Variants in SLC7A11 observed in about 807,000 individuals in gnomAD.
SLC7A11 encodes cystine/glutamate transporter.
Under a neutral mutation model 54.5 loss-of-function variants are expected in SLC7A11, and 35 were observed. That is an observed-to-expected ratio of 0.64 (90% CI 0.49 to 0.85). SLC7A11 has a LOEUF of 0.85. SLC7A11 is among the 40% of genes least tolerant of loss of function. The pLI is 0.00. For synonymous variants in SLC7A11, 230 were observed against 225.2 expected (o/e 1.02, Z -0.19); for missense variants, 583 against 618.1 (o/e 0.94, Z 0.60).
chr4:138,201,785 GC>G (rs1737292471), intron 6 of SLC7A11, among the ~76,000 whole-genome samples: 1 of 152,090 alleles, frequency 6.6e-6, no homozygotes, highest in South Asian at 2.1e-4. Context: ...TCTACTATGA[GC>G]AAAGCATTGT....
chr4:138,241,534 CCA>C (rs1034700697), intron 1 of SLC7A11, among the ~76,000 whole-genome samples: 1 of 152,032 alleles, frequency 6.6e-6, no homozygotes, highest in Admixed American at 6.6e-5. Flanking sequence ...GCTCTCATCA[CCA>C]CAGAGAAAAG....
At chr4:138,236,516 TA>T in intron 1 of SLC7A11, 65 bp from the exon 2 acceptor site, 1 of 1,453,458 alleles carries the variant, frequency 6.9e-7, no homozygotes, top group Non-Finnish European at 9.4e-7. Context: ...AGCATTAGAA[TA>T]GATACAATAA....
At chr4:138,200,397 C>G (rs781208015) in intron 6 of SLC7A11, among the ~76,000 whole-genome samples, 4 of 152,080 alleles carry the variant, frequency 2.6e-5, no homozygotes, top group Non-Finnish European at 5.9e-5. Context: ...AGCCTAGCAC[C>G]CTCTTTCATT....
At chr4:138,185,301 C>A in intron 6 of SLC7A11, 57 bp from the exon 7 acceptor site, 1 of 1,577,928 alleles carries the variant, frequency 6.3e-7, no homozygotes, top group South Asian at 1.1e-5. Flanking sequence ...TTCTCTGATA[C>A]CGAAGAAAAT....
chr4:138,176,458 A>G (rs1736573414), intron 11 of SLC7A11: 1 of 152,312 alleles, frequency 6.6e-6, no homozygotes, highest in South Asian at 2.1e-4. Flanking sequence ...AAAAATAGCA[A>G]CAAACTTTAA....
chr4:138,190,886 A>G (rs1002979361), intron 6 of SLC7A11, among the ~76,000 whole-genome samples: 5 of 152,142 alleles, frequency 3.3e-5, no homozygotes, highest in African/African-American at 1.2e-4. Context: ...ATTGGACTAC[A>G]GATGACTGAG....
intron 3 of SLC7A11, among the ~76,000 whole-genome samples, chr4:138,226,397 C>A (rs1190248481): frequency 6.6e-6 from 1 of 152,042 alleles, no homozygotes; most frequent in East Asian, 1.9e-4. Flanking sequence ...GTCAATTACA[C>A]CTCAATGAAA....
intron 2 of SLC7A11, among the ~76,000 whole-genome samples, 168 bp downstream of exon 2, chr4:138,236,157 A>T (rs961821861): frequency 3.3e-4 from 51 of 152,272 alleles, no homozygotes; most frequent in African/African-American, 1.2e-3. Context: ...TGCATTAAAA[A>T]TATCTTAATT....
At chr4:138,194,131 T>C (rs1435121271) in intron 6 of SLC7A11, among the ~76,000 whole-genome samples, 2 of 151,978 alleles carry the variant, frequency 1.3e-5, no homozygotes, top group East Asian at 3.9e-4. Context: ...AAAACAGAGT[T>C]GATGGGCTAA....
intron 6 of SLC7A11, among the ~76,000 whole-genome samples, chr4:138,205,453 A>G (rs1737384058): frequency 6.6e-6 from 1 of 152,080 alleles, no homozygotes; most frequent in Non-Finnish European, 1.5e-5. Context: ...AAAGTTATCA[A>G]AATGATTTCA....
rs1736279155 is a variant in SLC7A11, at chr4:138,167,061, A to T, written c.*4895T>A. 6.6e-6 allele frequency: 1 copy of T among 151,946 alleles called. No individual in the cohort carries two copies. The highest frequency in any genetic ancestry group is 1.5e-5 in the Non-Finnish European group (1 of 67,996). The allele number at this position is 151,946 out of a possible 1,614,324, so 9.4% of individuals were successfully genotyped here. ...AAATAATTATCTCCCAAAATTGACT[A>T]TTAAAAAATAATTTTTAAGTACAGT... On this transcript the variant is annotated 3_prime_UTR_variant, in exon 12 of 12. Transcript: ENST00000280612.
At chr4:138,223,376 A>T in intron 3 of SLC7A11, 52 bp from the exon 4 acceptor site, 1 of 1,598,052 alleles carries the variant, frequency 6.3e-7, no homozygotes, top group Non-Finnish European at 8.6e-7. Context: ...TGGCACAAAG[A>T]CATTTTAGGT....
chr4:138,190,865 A>T lies in SLC7A11; in HGVS notation c.792-5621T>A, dbSNP rs146212796. ...TTCAAGAAAACAAATAGTTTTCCAG[A>T]CATGAAAAAAATTGGACTACAGATG... On this transcript the variant is annotated intron_variant, in intron 6 of 11. Transcript: ENST00000280612. Among the ~76,000 whole-genome samples the T allele has an allele frequency of 4.9e-3, 745 of 152,240 alleles. 3 individuals are homozygous for T. The highest frequency in any genetic ancestry group is 8.4e-3 in the Non-Finnish European group (568 of 68,006).
intron 6 of SLC7A11, among the ~76,000 whole-genome samples, chr4:138,213,250 C>T (rs904521332): frequency 6.6e-6 from 1 of 151,970 alleles, no homozygotes; most frequent in Non-Finnish European, 1.5e-5. Flanking sequence ...AATAAAATGG[C>T]CTTTCACATG....
At chr4:138,211,291 T>G (rs1011784833) in intron 6 of SLC7A11, among the ~76,000 whole-genome samples, 22 of 151,866 alleles carry the variant, frequency 1.4e-4, no homozygotes, top group Non-Finnish European at 2.9e-4. Flanking sequence ...TACTGGGTAC[T>G]ATGCCCCATA....
intron 9 of SLC7A11, among the ~76,000 whole-genome samples, chr4:138,181,700 C>G (rs1321964505): frequency 6.6e-6 from 1 of 152,064 alleles, no homozygotes; most frequent in African/African-American, 2.4e-5. Context: ...TATTTGAGGA[C>G]TTTTACACCT....
At chr4:138,175,900 A>T (rs1311822105) in intron 11 of SLC7A11, 1 of 152,188 alleles carries the variant, frequency 6.6e-6, no homozygotes, top group African/African-American at 2.4e-5. Flanking sequence ...ATGCATTATC[A>T]GGGTAAAAAT....
chr4:138,202,658 C>T (rs2148428931), intron 6 of SLC7A11, among the ~76,000 whole-genome samples: 1 of 152,176 alleles, frequency 6.6e-6, no homozygotes, highest in Middle Eastern at 3.4e-3. Flanking sequence ...GTGTCATCGA[C>T]AAGAATCATA....
intron 6 of SLC7A11, among the ~76,000 whole-genome samples, chr4:138,209,060 T>C (rs1737479287): frequency 6.6e-6 from 1 of 152,166 alleles, no homozygotes; most frequent in East Asian, 1.9e-4. Flanking sequence ...ATTTGAAAGA[T>C]GTCTCAAAAT....
Sources: gnomAD v4.1 joint callset for allele counts (sites outside exome capture counted in the v4.1 genomes callset) on GRCh38, gnomAD v4.1.1 for gene constraint, MANE v1.5 for transcripts, NCBI Gene and HGNC (gene_info 2026-07-23, HGNC 2026-07-21) for gene names.